The following SORCS1 variants were observed in gnomAD, a reference collection of about 807,000 sequenced individuals.
SORCS1 encodes sortilin related VPS10 domain containing receptor 1, also known as VPS10 domain-containing receptor SorCS1.
In SORCS1, 60 loss-of-function variants were observed where a neutral mutation model predicts 146.1. The observed-to-expected ratio is 0.41, with a 90% CI of 0.33 to 0.51. The LOEUF (loss-of-function observed/expected upper bound fraction) is 0.51. SORCS1 is among the 20% of genes least tolerant of loss of function. The pLI, the probability that SORCS1 is intolerant of heterozygous loss-of-function variation, is 0.21. For synonymous variants in SORCS1, 637 were observed against 584.0 expected (o/e 1.09, Z -1.31); for missense variants, 1,352 against 1,487.6 (o/e 0.91, Z 1.50).
intron 14 of SORCS1, among the ~76,000 whole-genome samples, chr10:106,673,413 A>G (rs185080673): frequency 6.6e-6 from 1 of 152,260 alleles, no homozygotes; most frequent in East Asian, 1.9e-4. Context: ...TACAGGTGTG[A>G]GCCACCGCAC....
chr10:106,924,591 G>A (rs567624030), intron 2 of SORCS1, among the ~76,000 whole-genome samples: 10 of 152,202 alleles, frequency 6.6e-5, no homozygotes, highest in Admixed American at 2.6e-4. Context: ...GAAAGGAAGC[G>A]TAAGAACAAG....
chr10:106,895,181 T>TAC, intron 2 of SORCS1, among the ~76,000 whole-genome samples: 1 of 152,332 alleles, frequency 6.6e-6, no homozygotes, highest in Non-Finnish European at 1.5e-5. Context: ...CTTCCCTTTG[T>TAC]AGCAGGGGTT....
intron 5 of SORCS1, among the ~76,000 whole-genome samples, chr10:106,755,721 C>T (rs927230130): frequency 2.6e-5 from 4 of 152,106 alleles, no homozygotes; most frequent in Admixed American, 2.6e-4. Flanking sequence ...GTCTGACCTA[C>T]ATGAGTAATG....
intron 24 of SORCS1, among the ~76,000 whole-genome samples, chr10:106,584,200 T>C (rs1196144318): frequency 1.3e-5 from 2 of 152,220 alleles, no homozygotes; most frequent in Non-Finnish European, 2.9e-5. Context: ...TTATCCAGAA[T>C]GCAGAATAGG....
At chr10:106,955,662 A>C (rs1954902573) in intron 2 of SORCS1, among the ~76,000 whole-genome samples, 1 of 152,218 alleles carries the variant, frequency 6.6e-6, no homozygotes, top group Admixed American at 6.5e-5. Flanking sequence ...GGTGAGCTGC[A>C]GGACCACCAT....
chr10:106,976,979 AAACAGTGCT>A (rs1956052838), intron 1 of SORCS1, among the ~76,000 whole-genome samples: 1 of 152,156 alleles, frequency 6.6e-6, no homozygotes, highest in Admixed American at 6.5e-5. Flanking sequence ...TTGCTATTGC[AAACAGTGCT>A]GCAATAAACA....
At chr10:107,124,973 A>C (rs1284887081) in intron 1 of SORCS1, among the ~76,000 whole-genome samples, 2 of 81,606 alleles carry the variant, frequency 2.5e-5, no homozygotes, top group East Asian at 6.6e-4. Context: ...TTTTTTTTTG[A>C]GATGGAGTCT....
chr10:106,587,223 A>T (rs777769343), intron 24 of SORCS1, among the ~76,000 whole-genome samples: 13 of 152,232 alleles, frequency 8.5e-5, no homozygotes, highest in African/African-American at 1.2e-4. Flanking sequence ...GGCTTTACTT[A>T]AAAAAGACTT....
intron 2 of SORCS1, among the ~76,000 whole-genome samples, chr10:106,878,498 G>C (rs1187384299): frequency 6.6e-6 from 1 of 151,026 alleles, no homozygotes; most frequent in East Asian, 1.9e-4. Flanking sequence ...TCTGCCATGT[G>C]AGGATATCAT....
chr10:106,870,355 TC>T (rs564600884), intron 2 of SORCS1, among the ~76,000 whole-genome samples: 182 of 152,092 alleles, frequency 1.2e-3, no homozygotes, highest in Middle Eastern at 6.8e-3. Context: ...TCATATGGAA[TC>T]AAAAAAGGGG....
chr10:107,014,120 C>T (rs906189977), intron 1 of SORCS1, among the ~76,000 whole-genome samples: 17 of 151,902 alleles, frequency 1.1e-4, no homozygotes, highest in South Asian at 2.1e-4. Flanking sequence ...GGTGTGGTGG[C>T]GCATGCCTGT....
chr10:106,620,239 G>T, intron 20 of SORCS1, 189 bp downstream of exon 20: 2 of 582,196 alleles, frequency 3.4e-6, no homozygotes, highest in Non-Finnish European at 2.7e-6. Flanking sequence ...GCAGAAGGTG[G>T]AGAGGGGCCA....
intron 1 of SORCS1, among the ~76,000 whole-genome samples, chr10:106,994,893 A>C (rs1956927561): frequency 6.6e-6 from 1 of 152,230 alleles, no homozygotes; most frequent in Non-Finnish European, 1.5e-5. Flanking sequence ...CTGCATAGAA[A>C]GCAAAGTGAA....
At chr10:106,967,888 C>G (rs1210530920) in intron 1 of SORCS1, among the ~76,000 whole-genome samples, 2 of 151,638 alleles carry the variant, frequency 1.3e-5, no homozygotes, top group Non-Finnish European at 2.9e-5. Context: ...ATTATCTTCT[C>G]TCTGAAAGTC....
intron 3 of SORCS1, among the ~76,000 whole-genome samples, chr10:106,804,850 T>C (rs1185727551): frequency 2.6e-5 from 4 of 152,300 alleles, no homozygotes; most frequent in East Asian, 1.9e-4. Context: ...TTTCTAAAGA[T>C]AGATAACCCA....
chr10:106,621,461 T>C lies in SORCS1; in HGVS notation c.2663-900A>G, dbSNP rs75517663. ...TCCTCTTCTGCTTGCCCTGTAAATG[T>C]GTTTCCCAGAGTCCTGTGTTGAGAC... On this transcript the variant is annotated intron_variant, in intron 19 of 25. Transcript: ENST00000263054. Among the ~76,000 whole-genome samples the C allele has an allele frequency of 6.8e-3, 1,035 of 151,742 alleles. 11 individuals are homozygous for C. Among genetic ancestry groups the C allele is most frequent in the African/African-American group, 0.023 (945 of 41,370 alleles).
At chr10:106,829,727 T>C (rs1017570267) in intron 2 of SORCS1, 54 bp from the exon 3 acceptor site, 39 of 1,387,296 alleles carry the variant, frequency 2.8e-5, no homozygotes, top group African/African-American at 8.5e-5. Context: ...ATTTGGCTGC[T>C]TGTCAGTATA....
At chr10:107,163,703 G>A (rs542607383) in intron 1 of SORCS1, among the ~76,000 whole-genome samples, 2 of 152,034 alleles carry the variant, frequency 1.3e-5, no homozygotes, top group Non-Finnish European at 2.9e-5. Flanking sequence ...ACACCAATGC[G>A]ACCAAGGCAA....
At chr10:106,837,129 C>A (rs537340390) in intron 2 of SORCS1, among the ~76,000 whole-genome samples, 38 of 152,310 alleles carry the variant, frequency 2.5e-4, no homozygotes, top group African/African-American at 8.7e-4. Flanking sequence ...TAGAAATAAA[C>A]CAGCTGAAGT....
Sources: gnomAD v4.1 joint callset for allele counts (sites outside exome capture counted in the v4.1 genomes callset) on GRCh38, gnomAD v4.1.1 for gene constraint, MANE v1.5 for transcripts, NCBI Gene and HGNC (gene_info 2026-07-23, HGNC 2026-07-21) for gene names.